Variants in HORMAD2 observed in about 807,000 individuals in gnomAD.
The protein encoded by HORMAD2 is HORMA domain-containing protein 2.
In HORMAD2, 45 loss-of-function variants were observed where a neutral mutation model predicts 38.8. The observed-to-expected ratio is 1.16, with a 90% CI of 0.91 to 1.49. The LOEUF (loss-of-function observed/expected upper bound fraction) is 1.49. HORMAD2 is among the 40% of genes most tolerant of loss of function. The pLI, the probability that HORMAD2 is intolerant of heterozygous loss-of-function variation, is 0.00. For missense variants in HORMAD2, 338 were observed against 367.0 expected, an observed-to-expected ratio of 0.92 and a Z score of 0.65; for synonymous variants, 126 against 122.8, an observed-to-expected ratio of 1.03 and a Z score of -0.17.
At chr22:30,086,633 CT>C (rs2068575267) in intron 1 of HORMAD2, among the ~76,000 whole-genome samples, 1 of 152,100 alleles carries the variant, frequency 6.6e-6, no homozygotes, top group Non-Finnish European at 1.5e-5. Context: ...AATTTAAAAA[CT>C]CTGGCTGCAA....
At chr22:30,139,529 C>T (rs1923931042) in intron 10 of HORMAD2, among the ~76,000 whole-genome samples, 1 of 151,622 alleles carries the variant, frequency 6.6e-6, no homozygotes, top group Non-Finnish European at 1.5e-5. Context: ...TATACAAAAG[C>T]ATGCCATCTG....
intron 1 of HORMAD2, among the ~76,000 whole-genome samples, chr22:30,087,024 G>T (rs753235753): frequency 5.3e-5 from 8 of 152,066 alleles, no homozygotes; most frequent in Non-Finnish European, 1.2e-4. Context: ...ACCACGCCCA[G>T]CTAATTTTGT....
At chr22:30,190,551 G>A in the HORMAD2 span, among the ~76,000 whole-genome samples, 1 of 152,216 alleles carries the variant, frequency 6.6e-6, no homozygotes, top group Admixed American at 6.5e-5. Context: ...GGGGTGACAG[G>A]GGCAGCATGC....
intron 10 of HORMAD2, among the ~76,000 whole-genome samples, chr22:30,141,086 C>T (rs1243819377): frequency 6.6e-6 from 1 of 152,112 alleles, no homozygotes; most frequent in East Asian, 1.9e-4. Flanking sequence ...CAACCTCTGC[C>T]TCCTGGGTTC....
intron 7 of HORMAD2, among the ~76,000 whole-genome samples, chr22:30,114,842 C>A (rs912145129): frequency 2.6e-5 from 4 of 152,140 alleles, no homozygotes; most frequent in Admixed American, 6.5e-5. Context: ...TCTGGTTGCT[C>A]CATCTCATGA....
the HORMAD2 span, among the ~76,000 whole-genome samples, chr22:30,205,772 G>A: frequency 1.5e-4 from 23 of 152,254 alleles, no homozygotes; most frequent in East Asian, 4.3e-3. Context: ...CGTGAGGACC[G>A]GAAAAGCCGC....
At chr22:30,079,126 T>A (rs113690704), upstream of HORMAD2, among the ~76,000 whole-genome samples, 1 of 152,226 alleles carries the variant, frequency 6.6e-6, no homozygotes, top group Admixed American at 6.5e-5. Flanking sequence ...AGTTTTTTTT[T>A]TCTTTCCTGC....
At chr22:30,100,459 TA>T (rs1309532311) in intron 3 of HORMAD2, among the ~76,000 whole-genome samples, 2 of 152,172 alleles carry the variant, frequency 1.3e-5, no homozygotes, top group African/African-American at 2.4e-5. Context: ...GACTTAAATG[TA>T]ATACCTAAAA....
chr22:30,163,821 G>A (rs960452989), intron 10 of HORMAD2, among the ~76,000 whole-genome samples: 1 of 151,942 alleles, frequency 6.6e-6, no homozygotes, highest in Admixed American at 6.6e-5. Flanking sequence ...CCATTTTAAC[G>A]ATTTTTAAGG....
chr22:30,164,781 A>T (rs1250784735), intron 10 of HORMAD2, among the ~76,000 whole-genome samples: 1 of 152,186 alleles, frequency 6.6e-6, no homozygotes, highest in African/African-American at 2.4e-5. Flanking sequence ...AGTGTGAGCC[A>T]CCATACCCAC....
intron 1 of HORMAD2, among the ~76,000 whole-genome samples, chr22:30,084,320 T>A (rs755686696): frequency 6.6e-6 from 1 of 151,832 alleles, no homozygotes; most frequent in Non-Finnish European, 1.5e-5. Context: ...AGAGAGAGAG[T>A]GAGTGTGCCA....
chr22:30,203,478 G>C, the HORMAD2 span, among the ~76,000 whole-genome samples: 1 of 151,440 alleles, frequency 6.6e-6, no homozygotes. Flanking sequence ...ACATCTGGAA[G>C]AGATCATGGG....
At chr22:30,206,839 G>C in the HORMAD2 span, 1 of 311,294 alleles carries the variant, frequency 3.2e-6, no homozygotes, top group South Asian at 2.6e-5. Flanking sequence ...AGGTATGTGA[G>C]GTCTGAGCCC....
At chr22:30,141,993 T>C (rs538473355) in intron 10 of HORMAD2, among the ~76,000 whole-genome samples, 1 of 152,290 alleles carries the variant, frequency 6.6e-6, no homozygotes, top group Non-Finnish European at 1.5e-5. Flanking sequence ...CTCTTACCTG[T>C]AATCCTAGCA....
intron 10 of HORMAD2, among the ~76,000 whole-genome samples, chr22:30,152,307 C>T (rs1569112493): frequency 6.6e-6 from 1 of 152,084 alleles, no homozygotes. Context: ...AAACAATCCT[C>T]CTGCCCCAGC....
intron 10 of HORMAD2, among the ~76,000 whole-genome samples, chr22:30,126,057 A>C (rs914983573): frequency 1.3e-5 from 2 of 152,122 alleles, no homozygotes; most frequent in Non-Finnish European, 2.9e-5. Context: ...AGAAACCCCC[A>C]GTCTTATTTT....
chr22:30,191,355 G>GA, the HORMAD2 span, among the ~76,000 whole-genome samples: 1 of 152,176 alleles, frequency 6.6e-6, no homozygotes, highest in Non-Finnish European at 1.5e-5. Context: ...GTTTCTCTCT[G>GA]AAACTTTCTG....
chr22:30,098,780 A>G (rs956121095), intron 2 of HORMAD2, 72 bp from the exon 3 acceptor site: 52 of 1,257,392 alleles, frequency 4.1e-5, no homozygotes, highest in Non-Finnish European at 5.5e-5. Flanking sequence ...TTCATCATAT[A>G]TGTGGTAATG....
intron 1 of HORMAD2, among the ~76,000 whole-genome samples, chr22:30,085,103 G>A (rs1044294385): frequency 2.0e-5 from 3 of 150,196 alleles, no homozygotes; most frequent in Non-Finnish European, 3.0e-5. Flanking sequence ...CCGAGATTGC[G>A]CCACTGCACT....
Sources: allele counts gnomAD v4.1 joint callset (sites outside exome capture counted in the v4.1 genomes callset), GRCh38; gene constraint gnomAD v4.1.1; transcripts MANE v1.5; gene names NCBI Gene and HGNC (gene_info 2026-07-23, HGNC 2026-07-21).